Variants in SYNE2 observed in about 807,000 individuals in gnomAD.
SYNE2 encodes the protein nesprin-2.
Under a neutral mutation model 856.3 loss-of-function variants are expected in SYNE2, and 431 were observed. That is an observed-to-expected ratio of 0.50 (90% CI 0.47 to 0.55). The LOEUF (loss-of-function observed/expected upper bound fraction) is 0.55. Ranked by LOEUF, SYNE2 falls within the 20% of genes least tolerant of loss-of-function variation. SYNE2 has a pLI of 0.00. For synonymous variants in SYNE2, 2,923 were observed against 2,872.3 expected (o/e 1.02, Z -0.56); for missense variants, 8,129 against 8,023.2 (o/e 1.01, Z -0.50).
chr14:64,214,213 A>G lies in SYNE2; in HGVS notation c.19076A>G (p.Glu6359Gly). ...GTTTAGGGCTTGGAAGATGAAAAGGAGGCCTCTGAGAATGAAACAGACATG... is the reference window on the plus strand; with the variant it reads ...GTTTAGGGCTTGGAAGATGAAAAGGGGGCCTCTGAGAATGAAACAGACATG... ...SCTPGLEDEK[E>G]ASENETDMED... The change falls in exon 106 of 116, where the codon GAG becomes GGG. Residue 6359 changes from glutamate (E) to glycine (G), a missense_variant. Coordinates refer to ENST00000555002, the MANE Select transcript of SYNE2 (RefSeq NM_182914.3). 6.2e-7 allele frequency: 1 copy of G among 1,614,180 alleles called. No individual in the cohort carries two copies.
chr14:63,878,771 C>A (rs1172509005), intron 1 of SYNE2, among the ~76,000 whole-genome samples: 1 of 152,152 alleles, frequency 6.6e-6, no homozygotes, highest in African/African-American at 2.4e-5. Flanking sequence ...TCGAACTCTC[C>A]TGATCTCAGG....
chr14:64,115,926 G>C (rs1272108674), intron 66 of SYNE2, among the ~76,000 whole-genome samples: 2 of 152,132 alleles, frequency 1.3e-5, no homozygotes, highest in Non-Finnish European at 2.9e-5. Context: ...GGCCAAGGCG[G>C]GTGGATTGCT....
chr14:63,917,345 C>T (rs1287125725), intron 2 of SYNE2, among the ~76,000 whole-genome samples: 2 of 152,154 alleles, frequency 1.3e-5, no homozygotes, highest in Non-Finnish European at 2.9e-5. Context: ...CCCTCACTGG[C>T]TATCAGTGTT....
At chr14:63,779,320 C>T (rs947462367) in intron 1 of SYNE2, among the ~76,000 whole-genome samples, 6 of 117,702 alleles carry the variant, frequency 5.1e-5, no homozygotes, top group African/African-American at 6.1e-5. Flanking sequence ...AGCAAAACTC[C>T]GTCTCAAATA....
chr14:63,958,497 G>A (rs2096268813), intron 8 of SYNE2, among the ~76,000 whole-genome samples: 1 of 152,184 alleles, frequency 6.6e-6, no homozygotes, highest in South Asian at 2.1e-4. Context: ...GAACTCAGCA[G>A]TAGAATGTCA....
chr14:64,004,467 T>G (rs1346822836), intron 30 of SYNE2, among the ~76,000 whole-genome samples: 1 of 150,238 alleles, frequency 6.7e-6, no homozygotes, highest in Non-Finnish European at 1.5e-5. Context: ...GTAGCTGGGA[T>G]TACAGGCACG....
chr14:63,974,892 G>GTGTGTATATATATATATATA (rs1375697679), intron 11 of SYNE2, among the ~76,000 whole-genome samples: 14 of 67,310 alleles, frequency 2.1e-4, no homozygotes, highest in South Asian at 8.6e-4. Context: ...GTGTGTGTGT[G>GTGTGTATATATATATATATA]TATATATATA....
At chr14:63,954,501 C>G (rs2096214909) in intron 7 of SYNE2, among the ~76,000 whole-genome samples, 1 of 152,164 alleles carries the variant, frequency 6.6e-6, no homozygotes, top group Non-Finnish European at 1.5e-5. Context: ...ATGCTGCTGG[C>G]TCAGGAAACA....
At chr14:64,189,948 C>T (rs1425330330) in intron 98 of SYNE2, 123 bp from the exon 99 acceptor site, 17 of 1,120,412 alleles carry the variant, frequency 1.5e-5, no homozygotes, top group Non-Finnish European at 2.2e-5. Flanking sequence ...TTGGTATGAG[C>T]CACTATGCCT....
intron 47 of SYNE2, 70 bp downstream of exon 47, chr14:64,049,946 C>T: frequency 7.0e-6 from 11 of 1,570,638 alleles, no homozygotes; most frequent in Non-Finnish European, 9.6e-6. Flanking sequence ...TGGACAGGCC[C>T]AGGGTTTTAA....
chr14:64,126,164 GTTTA>G (rs1281871184), intron 71 of SYNE2, among the ~76,000 whole-genome samples, 159 bp from the exon 72 acceptor site: 1 of 152,114 alleles, frequency 6.6e-6, no homozygotes, highest in African/African-American at 2.4e-5. Context: ...AACATCGTAA[GTTTA>G]TTTATTTGTT....
chr14:64,125,909 T>C (rs928317880), intron 71 of SYNE2, among the ~76,000 whole-genome samples: 2 of 152,176 alleles, frequency 1.3e-5, no homozygotes, highest in Non-Finnish European at 2.9e-5. Flanking sequence ...CCTTCAAGCT[T>C]CTCTTTTGTG....
In SYNE2 at chr14:64,174,974, A is replaced by G; in HGVS notation, c.17266A>G (p.Thr5756Ala). Reference protein sequence around the residue: ...NKEIHFQRRRTTCALTLEAGE... With the variant: ...NKEIHFQRRRATCALTLEAGE... ...AGAAATTCATTTTCAAAGGAGGCGA[A>G]CTACCTGTGCCCTAACCTTGGAAGC... The change falls in exon 95 of 116, where the codon ACT (threonine) becomes GCT (alanine). Residue 5756 changes from threonine to alanine, a missense_variant. By Grantham distance (58) the Thr-to-Ala change is moderately conservative. Coordinates refer to ENST00000555002, the MANE Select transcript of SYNE2 (RefSeq NM_182914.3). The G allele has an allele frequency of 6.2e-7, 1 of 1,614,188 alleles. No homozygotes were observed. The highest frequency in any genetic ancestry group is 8.5e-7 in the Non-Finnish European group (1 of 1,180,018).
chr14:63,862,316 C>G (rs948885014), intron 1 of SYNE2, among the ~76,000 whole-genome samples: 1 of 152,232 alleles, frequency 6.6e-6, no homozygotes, highest in Admixed American at 6.5e-5. Context: ...AAGTCTCGCT[C>G]TGTCACCCAG....
Position 64,130,052 on chromosome 14 carries a change from T to C in SYNE2, c.14144T>C (p.Val4715Ala). The C allele has an allele frequency of 1.9e-6, 3 of 1,613,792 alleles. No homozygotes were observed. Among genetic ancestry groups the C allele is most frequent in the Non-Finnish European group, 2.5e-6 (3 of 1,180,028 alleles). The change falls in exon 76 of 116, where the codon GTA becomes GCA. Residue 4715 changes from valine to alanine, a missense_variant. This residue lies in a region of SYNE2 where 5,410 missense variants were observed against 5,284.8 expected (regional missense o/e 1.02). Transcript: ENST00000555002. ...LLQEVYKLED[V>A]LDSMWGMLRA... is the part of the protein sequence containing the mutation. ...CACCTGCTCTTCTCTTTTCAGGATG[T>C]ACTTGACAGTATGTGGGGAATGCTA... is the stretch of plus-strand genomic sequence containing the variant.
chr14:64,191,586 A>G (rs1009360077), intron 99 of SYNE2, among the ~76,000 whole-genome samples: 1 of 152,246 alleles, frequency 6.6e-6, no homozygotes, highest in African/African-American at 2.4e-5. Flanking sequence ...GAGATGAGCT[A>G]GAAAGATGGG....
At position 63,948,310 on chromosome 14, in the gene SYNE2, G is replaced by A. The variant is rs2096069880; in HGVS notation, c.409-1515G>A. ...ATCTATGAGTATAACATTTTAATCT[G>A]TTCAAAATATTTTCTAATTTTTATT... On this transcript the variant is annotated intron_variant, in intron 6 of 115. Transcript: ENST00000555002. 2.6e-5 allele frequency among the ~76,000 whole-genome samples: 4 copies of A among 151,936 alleles called. No homozygotes were observed. The South Asian group carries it at 8.3e-4, about 31-fold the overall frequency.
intron 82 of SYNE2, among the ~76,000 whole-genome samples, chr14:64,142,454 C>T (rs1053912042): frequency 7.2e-5 from 11 of 152,156 alleles, no homozygotes; most frequent in Non-Finnish European, 1.5e-4. Context: ...GCACCCTCTA[C>T]CTGGAATGCC....
At chr14:63,931,074 A>G in intron 2 of SYNE2, among the ~76,000 whole-genome samples, 1 of 152,162 alleles carries the variant, frequency 6.6e-6, no homozygotes, top group East Asian at 1.9e-4. Context: ...ATCATAGAAT[A>G]GAGGACACCC....
Sources: allele counts gnomAD v4.1 joint callset (sites outside exome capture counted in the v4.1 genomes callset), GRCh38; gene constraint gnomAD v4.1.1; regional missense constraint gnomAD v4.1.1; transcripts MANE v1.5; gene names NCBI Gene and HGNC (gene_info 2026-07-23, HGNC 2026-07-21).